OPCML: variants seen among roughly 807,000 people sequenced by gnomAD.
The protein encoded by OPCML is opioid binding protein/cell adhesion molecule like, also known as opioid-binding protein/cell adhesion molecule.
Under a neutral mutation model 37.8 loss-of-function variants are expected in OPCML, and 13 were observed. The ratio of observed to expected loss-of-function variants is 0.34; its 90% CI spans 0.22 to 0.55. The LOEUF is 0.55. Among genes scored for constraint, OPCML ranks in the 20% least tolerant of loss-of-function variants. The pLI, the probability that OPCML is intolerant of heterozygous loss-of-function variation, is 0.91. For synonymous variants in OPCML, 176 were observed against 168.8 expected, an observed-to-expected ratio of 1.04 and a Z score of -0.33; for missense variants, 341 against 435.6, an observed-to-expected ratio of 0.78 and a Z score of 1.93.
chr11:133,170,229 C>T (rs1199102455), intron 1 of OPCML, among the ~76,000 whole-genome samples: 1 of 152,208 alleles, frequency 6.6e-6, no homozygotes, highest in Admixed American at 6.5e-5. Context: ...GTAATCCCAG[C>T]ACTTTGTGAG....
At chr11:132,526,429 C>T (rs1280174587) in intron 4 of OPCML, among the ~76,000 whole-genome samples, 1 of 152,034 alleles carries the variant, frequency 6.6e-6, no homozygotes, top group Non-Finnish European at 1.5e-5. Context: ...TTTGCGATAT[C>T]CCTTACATAT....
intron 1 of OPCML, chr11:133,004,570 CAT>C: frequency 1.0e-6 from 1 of 985,464 alleles, no homozygotes. Flanking sequence ...TGCCAATGCC[CAT>C]GCAGGCACTG....
chr11:133,274,717 T>C (rs1441846587), intron 1 of OPCML, among the ~76,000 whole-genome samples: 1 of 152,224 alleles, frequency 6.6e-6, no homozygotes, highest in Non-Finnish European at 1.5e-5. Flanking sequence ...CAGGGTCCAG[T>C]TGACCCTACG....
At chr11:132,892,326 T>C (rs541637198) in intron 2 of OPCML, among the ~76,000 whole-genome samples, 1 of 151,644 alleles carries the variant, frequency 6.6e-6, no homozygotes, top group Admixed American at 6.6e-5. Flanking sequence ...TAGAAGAGAG[T>C]GTGGGGTGGT....
chr11:132,746,332 G>A (rs1024966133), intron 2 of OPCML, among the ~76,000 whole-genome samples: 1 of 152,082 alleles, frequency 6.6e-6, no homozygotes, highest in Non-Finnish European at 1.5e-5. Context: ...CAAAAAGAAG[G>A]GAAAATATGG....
At chr11:132,653,380 C>A (rs747757504) in intron 3 of OPCML, among the ~76,000 whole-genome samples, 44 of 152,282 alleles carry the variant, frequency 2.9e-4, no homozygotes, top group Non-Finnish European at 5.7e-4. Flanking sequence ...CTCCTGCCTG[C>A]GCTTGTGCCT....
chr11:132,911,442 T>G (rs1280209128), intron 2 of OPCML, among the ~76,000 whole-genome samples: 2 of 152,246 alleles, frequency 1.3e-5, no homozygotes, highest in East Asian at 3.9e-4. Flanking sequence ...CTTGGCAGAA[T>G]GCCCTGGCTT....
chr11:133,117,819 G>A, intron 1 of OPCML: 1 of 984,602 alleles, frequency 1.0e-6, no homozygotes, highest in South Asian at 4.7e-5. Context: ...CTCTAACTCT[G>A]GAATAATTAC....
chr11:132,810,664 C>G (rs1939289241), intron 2 of OPCML: 1 of 152,258 alleles, frequency 6.6e-6, no homozygotes, highest in Admixed American at 6.5e-5. Flanking sequence ...GCACTCCAGC[C>G]TGGTTGATGG....
At chr11:133,192,369 T>C (rs1478694540) in intron 1 of OPCML, among the ~76,000 whole-genome samples, 1 of 151,994 alleles carries the variant, frequency 6.6e-6, no homozygotes, top group Non-Finnish European at 1.5e-5. Context: ...CATGAGATGG[T>C]TTCTATCCAG....
chr11:132,435,260 T>C (rs2096009206), intron 7 of OPCML: 3 of 1,288,658 alleles, frequency 2.3e-6, no homozygotes, highest in Non-Finnish European at 2.0e-6. Context: ...TTTCAGATGG[T>C]TGGTGGACAA....
At chr11:132,617,409 G>A (rs1356442505) in intron 3 of OPCML, among the ~76,000 whole-genome samples, 1 of 152,206 alleles carries the variant, frequency 6.6e-6, no homozygotes, top group African/African-American at 2.4e-5. Context: ...TCTGTTGAAT[G>A]TCTGAGGGAC....
At chr11:132,710,070 A>G (rs1194849434) in intron 2 of OPCML, among the ~76,000 whole-genome samples, 1 of 152,210 alleles carries the variant, frequency 6.6e-6, no homozygotes, top group Non-Finnish European at 1.5e-5. Flanking sequence ...ACACAAGTAC[A>G]TCGTAGTGGT....
At chr11:133,127,818 T>C (rs767926479) in intron 1 of OPCML, among the ~76,000 whole-genome samples, 8 of 151,996 alleles carry the variant, frequency 5.3e-5, no homozygotes, top group Admixed American at 3.3e-4. Flanking sequence ...TATAAGGGAC[T>C]ATGCAAGCAT....
chr11:133,254,090 G>C (rs1050782644), intron 1 of OPCML, among the ~76,000 whole-genome samples: 1 of 152,126 alleles, frequency 6.6e-6, no homozygotes, highest in Non-Finnish European at 1.5e-5. Context: ...AAATGCAAAT[G>C]TTAGAATCAG....
intron 2 of OPCML, among the ~76,000 whole-genome samples, chr11:132,811,778 C>T (rs1277125661): frequency 3.9e-5 from 6 of 152,060 alleles, no homozygotes; most frequent in Admixed American, 6.5e-5. Context: ...AGGGTTCAAA[C>T]GCAGAAACAG....
intron 2 of OPCML, among the ~76,000 whole-genome samples, chr11:132,898,474 A>T (rs1206963889): frequency 6.6e-6 from 1 of 152,298 alleles, no homozygotes; most frequent in African/African-American, 2.4e-5. Flanking sequence ...CACTAATCTT[A>T]CCATGCGTCC....
chr11:132,428,563 C>A (rs2095985440), intron 7 of OPCML, among the ~76,000 whole-genome samples: 1 of 152,150 alleles, frequency 6.6e-6, no homozygotes, highest in South Asian at 2.1e-4. Flanking sequence ...AGTATGCACT[C>A]ATCAGGCAGA....
At chr11:133,277,982 G>A (rs1164374602) in intron 1 of OPCML, among the ~76,000 whole-genome samples, 1 of 152,124 alleles carries the variant, frequency 6.6e-6, no homozygotes, top group Non-Finnish European at 1.5e-5. Context: ...CCAGGTTAAT[G>A]GCTATTTCTG....
Sources: allele counts gnomAD v4.1 joint callset (sites outside exome capture counted in the v4.1 genomes callset), GRCh38; gene constraint gnomAD v4.1.1; transcripts MANE v1.5; gene names NCBI Gene and HGNC (gene_info 2026-07-23, HGNC 2026-07-21).